The following GP5 variants were observed in gnomAD, a reference collection of about 807,000 sequenced individuals.
The protein encoded by GP5 is platelet glycoprotein V.
For synonymous variants in GP5, 382 were observed against 353.9 expected, an observed-to-expected ratio of 1.08 and a Z score of -0.89; for missense variants, 755 against 737.1, an observed-to-expected ratio of 1.02 and a Z score of -0.28.
At position 194,397,937 on chromosome 3, in the gene GP5, C is replaced by G; in HGVS notation, c.346G>C (p.Ala116Pro). Reference protein sequence around the residue: ...SRNKITHLPGALLDKMVLLEQ... With the variant: ...SRNKITHLPGPLLDKMVLLEQ... ...AGGAGCACCATCTTATCCAGCAGCG[C>G]ACCTGGAAGATGCGTGATTTTGTTG... The change falls in exon 2 of 2, where the codon GCG becomes CCG. Residue 116 changes from alanine (A) to proline (P), a missense_variant. Coordinates refer to ENST00000692618, the MANE Select transcript of GP5 (RefSeq NM_004488.2). The surrounding 1 kb of genome is among the most constrained non-coding windows in gnomAD (Gnocchi z 7.2). 6.2e-7 allele frequency: 1 copy of G among 1,614,206 alleles called. No homozygotes were observed. Among genetic ancestry groups the G allele is most frequent in the Non-Finnish European group, 8.5e-7 (1 of 1,180,028 alleles).
Position 194,397,267 on chromosome 3 carries a change from C to A in GP5, c.1016G>T (p.Gly339Val). Reference sequence around the variant, plus strand: ...GTGCAGGGCGAGCACCTGGAGCTCGCCAAGGCCCTGGAAGGCGCCCTGCGG... The same window carrying A: ...GTGCAGGGCGAGCACCTGGAGCTCGACAAGGCCCTGGAAGGCGCCCTGCGG... ...ALPQGAFQGLGELQVLALHSN... is the reference protein window; with the variant it reads ...ALPQGAFQGLVELQVLALHSN... Residue 339 changes from glycine to valine, a missense_variant, in exon 2 of 2, where the codon GGC becomes GTC. By Grantham distance (109) the Gly-to-Val change is moderately radical (BLOSUM62 -3). Transcript: ENST00000692618. This position sits in a 1 kb window ranked among gnomAD's most constrained non-coding sequence, Gnocchi z 7.2. The A allele has an allele frequency of 6.3e-7, 1 of 1,580,956 alleles. No individual in the cohort carries two copies. Among genetic ancestry groups the A allele is most frequent in the Non-Finnish European group, 8.5e-7 (1 of 1,171,496 alleles).
chr3:194,398,620 TC>T (rs1266769563), intron 1 of GP5, among the ~76,000 whole-genome samples: 7 of 152,220 alleles, frequency 4.6e-5, no homozygotes, highest in African/African-American at 1.4e-4. Flanking sequence ...CAAAGCAATG[TC>T]CATTGTGAAA....
Position 194,396,760 on chromosome 3 carries a change from T to G in GP5, c.1523A>C (p.Gln508Pro). Residue 508 changes from glutamine (Q) to proline (P), a missense_variant, in exon 2 of 2, where the codon CAG becomes CCG. Gln to Pro is a moderately conservative substitution (Grantham distance 76). Transcript: ENST00000692618. ...TTGACCTTTGCCCGTGGTCACCGGC[T>G]GGGCCCACACCCAGGGTTCTGAGCT... ...PNSSEPWVWA[Q>P]PVTTGKGQDH... 1.9e-6 allele frequency: 3 copies of G among 1,614,026 alleles called. No homozygotes were observed. Among genetic ancestry groups the G allele is most frequent in the Non-Finnish European group, 2.5e-6 (3 of 1,179,902 alleles).
At position 194,397,461 on chromosome 3, in the gene GP5, G is replaced by C. The variant is rs745618726; in HGVS notation, c.822C>G (p.Phe274Leu). The change falls in exon 2 of 2, where the codon TTC becomes TTG. Residue 274 changes from phenylalanine to leucine, a missense_variant. By Grantham distance (22) the Phe-to-Leu change is conservative (BLOSUM62 0). Coordinates refer to ENST00000692618, the MANE Select transcript of GP5 (RefSeq NM_004488.2). This position sits in a 1 kb window ranked among gnomAD's most constrained non-coding sequence, Gnocchi z 7.2. ...HSHNLTLLTL[F>L]ENPLAELPGV... ...CCGGGAGCTCTGCCAGCGGGTTCTCGAACAGAGTCAACAGAGTCAGATTGT... is the reference window on the plus strand; with the variant it reads ...CCGGGAGCTCTGCCAGCGGGTTCTCCAACAGAGTCAACAGAGTCAGATTGT... 1.2e-6 allele frequency: 2 copies of C among 1,613,718 alleles called. No homozygotes were observed. Among genetic ancestry groups the C allele is most frequent in the Non-Finnish European group, 1.7e-6 (2 of 1,180,004 alleles).
chr3:194,396,832 G>T lies in GP5; in HGVS notation c.1451C>A (p.Ala484Glu), dbSNP rs749087395. Reference protein sequence around the residue: ...GPRGPPPRPAADSSSEAPVHP... With the variant: ...GPRGPPPRPAEDSSSEAPVHP... ...GACAGGGGCTTCCGAGGAGCTGTCCGCAGCGGGGCGGGGAGGCGGGCCCCG... is the reference window on the plus strand; with the variant it reads ...GACAGGGGCTTCCGAGGAGCTGTCCTCAGCGGGGCGGGGAGGCGGGCCCCG... Residue 484 changes from alanine to glutamate, a missense_variant, in exon 2 of 2, where the codon GCG (alanine) becomes GAG (glutamate). Coordinates refer to ENST00000692618, the MANE Select transcript of GP5 (RefSeq NM_004488.2). 36 of 1,581,452 alleles carry T rather than the reference G, an allele frequency of 2.3e-5. No individual in the cohort carries two copies. The Admixed American group carries it at 3.7e-4, about 16-fold the overall frequency.
Position 194,397,739 on chromosome 3 carries a change from G to A in GP5, c.544C>T (p.Leu182=), listed in dbSNP as rs761098935. The change falls in exon 2 of 2, where the codon CTG becomes TTG. Residue 182 remains leucine (L), a synonymous_variant. Coordinates refer to ENST00000692618, the MANE Select transcript of GP5 (RefSeq NM_004488.2). This position sits in a 1 kb window ranked among gnomAD's most constrained non-coding sequence, Gnocchi z 7.2. ...AGCAACCCCTTGGGCAGGTGGGTCA[G>A]GTTGTTTCCCGATAAATCCAACAAC... ...LKLLDLSGNN[L]THLPKGLLGA... 4.3e-6 allele frequency: 7 copies of A among 1,613,908 alleles called. No homozygotes were observed. The South Asian group carries it at 7.7e-5, about 18-fold the overall frequency.
In GP5 at chr3:194,395,875, C is replaced by T. The variant is rs1218576266; in HGVS notation, c.*725G>A. On this transcript the variant is annotated 3_prime_UTR_variant, in exon 2 of 2. Transcript: ENST00000692618. Reference sequence around the variant, plus strand: ...CCAATATGGCAAAGCCCCGTCTCTACTTTAAAAAGTACAAAAATTAGCCGG... The same window carrying T: ...CCAATATGGCAAAGCCCCGTCTCTATTTTAAAAAGTACAAAAATTAGCCGG... 6.6e-6 allele frequency: 1 copy of T among 152,268 alleles called. No individual in the cohort carries two copies. Among genetic ancestry groups the T allele is most frequent in the East Asian group, 1.9e-4 (1 of 5,184 alleles). 9.4% of individuals were successfully genotyped at this position (152,268 alleles called of 1,614,324 possible).
chr3:194,398,361 T>A, intron 1 of GP5, 77 bp from the exon 2 acceptor site: 2 of 1,338,952 alleles, frequency 1.5e-6, no homozygotes, highest in Non-Finnish European at 2.0e-6. Context: ...ATCCTGCACT[T>A]TGTGCAGAGG....
Position 194,397,151 on chromosome 3 carries a change from G to T in GP5, c.1132C>A (p.Leu378Met). 1 of 1,584,642 alleles carries T rather than the reference G, an allele frequency of 6.3e-7. No homozygotes were observed. The highest frequency in any genetic ancestry group is 8.5e-7 in the Non-Finnish European group (1 of 1,173,510). Residue 378 changes from leucine (L) to methionine (M), a missense_variant, in exon 2 of 2, where the codon CTG (leucine) becomes ATG (methionine). Coordinates refer to ENST00000692618, the MANE Select transcript of GP5 (RefSeq NM_004488.2). This position sits in a 1 kb window ranked among gnomAD's most constrained non-coding sequence, Gnocchi z 7.2. ...VSLRRNRLRA[L>M]PRALFRNLSS... ...AGATTGCGGAAGAGGGCACGGGGCAGGGCGCGCAGCCTGTTGCGGCGCAGG... is the reference window on the plus strand; with the variant it reads ...AGATTGCGGAAGAGGGCACGGGGCATGGCGCGCAGCCTGTTGCGGCGCAGG...
In GP5 at chr3:194,396,837, G is replaced by C. The variant is rs772128081; in HGVS notation, c.1446C>G (p.Pro482=). The C allele has an allele frequency of 2.5e-6, 4 of 1,570,434 alleles. No homozygotes were observed. The highest frequency in any genetic ancestry group is 1.9e-5 in the Admixed American group (1 of 52,180). ...GGGCTTCCGAGGAGCTGTCCGCAGC[G>C]GGGCGGGGAGGCGGGCCCCGGGGGC... ...CPGPRGPPPR[P]AADSSSEAPV... is the part of the protein sequence containing the mutation. Residue 482 remains proline (P), a synonymous_variant, in exon 2 of 2, where the codon CCC becomes CCG. Transcript: ENST00000692618.
In GP5 at chr3:194,395,180, C is replaced by G. The variant is rs1714422712; in HGVS notation, c.*1420G>C. The G allele has an allele frequency of 1.3e-5, 2 of 152,218 alleles. No homozygotes were observed. Among genetic ancestry groups the G allele is most frequent in the Non-Finnish European group, 2.9e-5 (2 of 68,034 alleles). The allele number at this position is 152,218 out of a possible 1,614,324, so 9.4% of individuals were successfully genotyped here. Reference sequence around the variant, plus strand: ...AGGCTTAGAGAATGTAAGCAGGTGTCTTACCCAAAGTCCCATGCAGTTAGT... The same window carrying G: ...AGGCTTAGAGAATGTAAGCAGGTGTGTTACCCAAAGTCCCATGCAGTTAGT... On this transcript the variant is annotated 3_prime_UTR_variant, in exon 2 of 2. Coordinates refer to ENST00000692618, the MANE Select transcript of GP5 (RefSeq NM_004488.2).
chr3:194,398,038 G>A lies in GP5; in HGVS notation c.245C>T (p.Ser82Phe). ...GMTVLQRLMISDSHISAVAPG... is the reference protein window; with the variant it reads ...GMTVLQRLMIFDSHISAVAPG... Reference sequence around the variant, plus strand: ...GGCAACGGCGGAAATGTGGCTGTCGGAGATCATGAGGCGCTGCAGGACGGT... The same window carrying A: ...GGCAACGGCGGAAATGTGGCTGTCGAAGATCATGAGGCGCTGCAGGACGGT... Residue 82 changes from serine (S) to phenylalanine (F), a missense_variant, in exon 2 of 2, where the codon TCC (serine) becomes TTC (phenylalanine). Physicochemically the swap from Ser to Phe is radical, Grantham distance 155. Coordinates refer to ENST00000692618, the MANE Select transcript of GP5 (RefSeq NM_004488.2). The A allele has an allele frequency of 6.2e-7, 1 of 1,614,142 alleles. No homozygotes were observed. The highest frequency in any genetic ancestry group is 8.5e-7 in the Non-Finnish European group (1 of 1,180,020).
In GP5 at chr3:194,397,339, C is replaced by A. The variant is rs1382790957; in HGVS notation, c.944G>T (p.Arg315Leu). The stretch of plus-strand genomic sequence containing the variant: ...CAGAGTCACCCCTAAGTACCGCAGG[C>A]GGCTCAGGTTGCGGAAGGCGGCGGC... Reference protein sequence around the residue: ...LPAAAFRNLSRLRYLGVTLSP... With the variant: ...LPAAAFRNLSLLRYLGVTLSP... The change falls in exon 2 of 2, where the codon CGC becomes CTC. Residue 315 changes from arginine to leucine, a missense_variant. Transcript: ENST00000692618. The surrounding 1 kb of genome is among the most constrained non-coding windows in gnomAD (Gnocchi z 7.2). 1.2e-6 allele frequency: 2 copies of A among 1,600,180 alleles called. No homozygotes were observed. The highest frequency in any genetic ancestry group is 1.7e-6 in the Non-Finnish European group (2 of 1,177,516).
At position 194,396,307 on chromosome 3, in the gene GP5, CGCA is replaced by C. The variant is rs1714451439; in HGVS notation, c.*290_*292del. The stretch of plus-strand genomic sequence containing the variant: ...AGTCCAGCGCCCCCGGCAGTGTCAG[CGCA>C]CACCCGCGTGGGAGCTGGGGAAGGC... On this transcript the variant is annotated 3_prime_UTR_variant, in exon 2 of 2. Transcript: ENST00000692618. 3.0e-6 allele frequency: 1 copy of C among 333,738 alleles called. No individual in the cohort carries two copies. Among genetic ancestry groups the C allele is most frequent in the Non-Finnish European group, 5.6e-6 (1 of 179,918 alleles). The allele number at this position is 333,738 out of a possible 1,614,324, so 20.7% of individuals were successfully genotyped here.
chr3:194,398,843 C>T (rs1714534573), intron 1 of GP5, among the ~76,000 whole-genome samples: 1 of 152,200 alleles, frequency 6.6e-6, no homozygotes, highest in South Asian at 2.1e-4. Context: ...ATACCTATCA[C>T]TTTACGCCAT....
Position 194,398,283 on chromosome 3 carries a change from G to T in GP5, c.-1C>A. ...CGCACAGTAGAGTCCCCCTCAGCAT[G>T]TCTGAAAAAGCAACCGTGGGAGTGT... On this transcript the variant is annotated splice_region_variant and 5_prime_UTR_variant, in exon 2 of 2. Coordinates refer to ENST00000692618, the MANE Select transcript of GP5 (RefSeq NM_004488.2). 6.3e-7 allele frequency: 1 copy of T among 1,590,300 alleles called. No individual in the cohort carries two copies. The highest frequency in any genetic ancestry group is 1.7e-5 in the Admixed American group (1 of 57,538).
chr3:194,397,353 G>T lies in GP5; in HGVS notation c.930C>A (p.Phe310Leu). Residue 310 changes from phenylalanine (F) to leucine (L), a missense_variant, in exon 2 of 2, where the codon TTC becomes TTA. Phe to Leu is a conservative substitution (Grantham distance 22). Coordinates refer to ENST00000692618, the MANE Select transcript of GP5 (RefSeq NM_004488.2). This position sits in a 1 kb window ranked among gnomAD's most constrained non-coding sequence, Gnocchi z 7.2. ...TQLRTLPAAA[F>L]RNLSRLRYLG... ...AGTACCGCAGGCGGCTCAGGTTGCG[G>T]AAGGCGGCGGCGGGCAGGGTGCGCA... 1 of 1,604,462 alleles carries T rather than the reference G, an allele frequency of 6.2e-7. No homozygotes were observed. Among genetic ancestry groups the T allele is most frequent in the South Asian group, 1.1e-5 (1 of 90,886 alleles).
Position 194,397,733 on chromosome 3 carries a change from G to A in GP5, c.550C>T (p.His184Tyr). 1 of 1,613,844 alleles carries A rather than the reference G, an allele frequency of 6.2e-7. No individual in the cohort carries two copies. Among genetic ancestry groups the A allele is most frequent in the Non-Finnish European group, 8.5e-7 (1 of 1,179,850 alleles). The change falls in exon 2 of 2, where the codon CAC becomes TAC. Residue 184 changes from histidine (H) to tyrosine (Y), a missense_variant. Physicochemically the swap from His to Tyr is moderately conservative, Grantham distance 83. Transcript: ENST00000692618. This position sits in a 1 kb window ranked among gnomAD's most constrained non-coding sequence, Gnocchi z 7.2. ...GCTCCAAGCAACCCCTTGGGCAGGT[G>A]GGTCAGGTTGTTTCCCGATAAATCC... ...LLDLSGNNLT[H>Y]LPKGLLGAQA...
chr3:194,397,213 C>A lies in GP5; in HGVS notation c.1070G>T (p.Gly357Val), dbSNP rs1357260199. The A allele has an allele frequency of 7.6e-6, 12 of 1,571,114 alleles. No homozygotes were observed. The highest frequency in any genetic ancestry group is 1.0e-5 in the Non-Finnish European group (12 of 1,166,596). Residue 357 changes from glycine to valine, a missense_variant, in exon 2 of 2, where the codon GGC becomes GTC. By Grantham distance (109) the Gly-to-Val change is moderately radical (BLOSUM62 -3). Transcript: ENST00000692618. The surrounding 1 kb of genome is among the most constrained non-coding windows in gnomAD (Gnocchi z 7.2). ...HSNGLTALPDGLLRGLGKLRQ... is the reference protein window; with the variant it reads ...HSNGLTALPDVLLRGLGKLRQ... The stretch of plus-strand genomic sequence containing the variant: ...CAGCTTGCCGAGGCCGCGCAGCAAG[C>A]CGTCGGGGAGGGCGGTCAGGCCGTT...
Sources: allele counts gnomAD v4.1 joint callset (sites outside exome capture counted in the v4.1 genomes callset), GRCh38; gene constraint gnomAD v4.1.1; non-coding constraint Gnocchi (gnomAD v3.1); transcripts MANE v1.5; gene names NCBI Gene and HGNC (gene_info 2026-07-23, HGNC 2026-07-21).